Variants in MEIOB observed in about 807,000 individuals in gnomAD.
MEIOB encodes the protein meiosis-specific with OB domain-containing protein.
A neutral mutation model predicts 53.1 loss-of-function variants in MEIOB; 50 were observed. That is an observed-to-expected ratio of 0.94 (90% confidence interval 0.75 to 1.19). The LOEUF is 1.19. Ranked by LOEUF, MEIOB falls within the 50% of genes most tolerant of loss-of-function variation. The probability of loss-of-function intolerance (pLI) is 0.00; values close to 1 mark genes in which losing one functional copy is unlikely to be tolerated. For missense variants in MEIOB, 551 were observed against 550.8 expected, an observed-to-expected ratio of 1.00 and a Z score of 0.00; for synonymous variants, 192 against 182.5, an observed-to-expected ratio of 1.05 and a Z score of -0.42.
intron 2 of MEIOB, among the ~76,000 whole-genome samples, chr16:1,866,419 T>G (rs1899593801): frequency 6.6e-6 from 1 of 152,160 alleles, no homozygotes; most frequent in Non-Finnish European, 1.5e-5. Flanking sequence ...ATTTTAAATG[T>G]GTTTTAAGAA....
intron 2 of MEIOB, among the ~76,000 whole-genome samples, chr16:1,866,978 A>G (rs997755302): frequency 6.6e-6 from 1 of 152,190 alleles, no homozygotes; most frequent in African/African-American, 2.4e-5. Context: ...TTGTTGGAAA[A>G]TCCAATTAAT....
At chr16:1,839,580 A>ACT (rs1297657828) in intron 11 of MEIOB, 142 bp from the exon 12 acceptor site, 1 of 698,978 alleles carries the variant, frequency 1.4e-6, no homozygotes. Context: ...GGTCTACAAG[A>ACT]CAGTCGTAAA....
chr16:1,838,184 G>T (rs976889271), intron 12 of MEIOB: 1 of 480,444 alleles, frequency 2.1e-6, no homozygotes, highest in South Asian at 4.5e-5. Flanking sequence ...ATGTTTTGTA[G>T]AGACAGGGTC....
chr16:1,847,754 A>T (rs1899062730), intron 9 of MEIOB, among the ~76,000 whole-genome samples: 1 of 152,160 alleles, frequency 6.6e-6, no homozygotes, highest in Non-Finnish European at 1.5e-5. Flanking sequence ...AAACGGCTGT[A>T]GACACTATCA....
At chr16:1,853,493 C>T (rs1475881564) in intron 7 of MEIOB, among the ~76,000 whole-genome samples, 1 of 152,214 alleles carries the variant, frequency 6.6e-6, no homozygotes, top group Admixed American at 6.5e-5. Flanking sequence ...TCTAGTAATA[C>T]TCTGCTCTGC....
chr16:1,847,178 T>A (rs1243671201), intron 9 of MEIOB, among the ~76,000 whole-genome samples: 1 of 150,216 alleles, frequency 6.7e-6, no homozygotes, highest in Admixed American at 6.6e-5. Context: ...AAGCTATTTT[T>A]GGGCCGGGCG....
At chr16:1,851,636 C>A (rs2142087851) in intron 9 of MEIOB, among the ~76,000 whole-genome samples, 1 of 152,006 alleles carries the variant, frequency 6.6e-6, no homozygotes, top group East Asian at 2.0e-4. Flanking sequence ...GAGACAACAT[C>A]CATGTGTTGG....
intron 6 of MEIOB, among the ~76,000 whole-genome samples, chr16:1,856,502 G>C (rs551570532): frequency 1.5e-3 from 229 of 152,166 alleles, no homozygotes; most frequent in African/African-American, 5.2e-3. Context: ...TGTATTTTTA[G>C]TAGAGACGGG....
chr16:1,839,649 A>C (rs1014265425), intron 11 of MEIOB: 2 of 490,464 alleles, frequency 4.1e-6, no homozygotes, highest in African/African-American at 2.0e-5. Flanking sequence ...AACTGCGTAC[A>C]CCAGTCCTCT....
chr16:1,853,427 TC>T (rs1899221053), intron 7 of MEIOB, among the ~76,000 whole-genome samples, 156 bp from the exon 8 acceptor site: 1 of 152,224 alleles, frequency 6.6e-6, no homozygotes, highest in Non-Finnish European at 1.5e-5. Context: ...GCCAGCTTCC[TC>T]CTAGGGAGAA....
At chr16:1,852,132 G>T (rs1489444954) in intron 9 of MEIOB, among the ~76,000 whole-genome samples, 1 of 151,786 alleles carries the variant, frequency 6.6e-6, no homozygotes, top group East Asian at 1.9e-4. Flanking sequence ...AGCAGTAAAA[G>T]TTATTTGAAT....
chr16:1,868,220 TGA>T, intron 1 of MEIOB, 36 bp from the exon 2 acceptor site: 1 of 1,077,394 alleles, frequency 9.3e-7, no homozygotes, highest in Non-Finnish European at 1.4e-6. Flanking sequence ...ATATATAAAT[TGA>T]ATAAATGAAA....
intron 9 of MEIOB, among the ~76,000 whole-genome samples, chr16:1,847,578 CA>C (rs998548048): frequency 6.0e-5 from 7 of 117,310 alleles, no homozygotes; most frequent in East Asian, 2.7e-4. Context: ...TGAGACCCCC[CA>C]AAAAAAAGAA....
intron 6 of MEIOB, among the ~76,000 whole-genome samples, chr16:1,855,515 G>A (rs1190099296): frequency 6.6e-6 from 1 of 152,166 alleles, no homozygotes; most frequent in Non-Finnish European, 1.5e-5. Context: ...GGCATGAGAA[G>A]AAGTGACGTG....
In MEIOB at chr16:1,834,253, G is replaced by GT. The variant is rs1567270425; in HGVS notation, c.*2dup. 6.5e-7 allele frequency: 1 copy of GT among 1,542,182 alleles called. No homozygotes were observed. Among genetic ancestry groups the GT allele is most frequent in the Admixed American group, 1.7e-5 (1 of 59,128 alleles). On this transcript the variant is annotated 3_prime_UTR_variant, in exon 14 of 14. Coordinates refer to ENST00000325962, the MANE Select transcript of MEIOB (RefSeq NM_001163560.3). The stretch of plus-strand genomic sequence containing the variant: ...TTTCCAGAGTTCAAAATGATAGACC[G>GT]TTTTAAACATGTTTTTGTCCAGACA...
intron 9 of MEIOB, among the ~76,000 whole-genome samples, chr16:1,851,155 C>T (rs990455338): frequency 6.6e-5 from 10 of 152,126 alleles, no homozygotes; most frequent in African/African-American, 2.2e-4. Flanking sequence ...GAGCAGAAGC[C>T]AGTGCACTCT....
At chr16:1,847,459 C>T (rs931342388) in intron 9 of MEIOB, among the ~76,000 whole-genome samples, 2 of 151,502 alleles carry the variant, frequency 1.3e-5, no homozygotes, top group African/African-American at 2.4e-5. Flanking sequence ...AAGACTCCAT[C>T]TCAAAAAACA....
At chr16:1,871,377 G>A (rs9934963) in intron 1 of MEIOB, among the ~76,000 whole-genome samples, 54,681 of 71,632 alleles carry the variant, frequency 0.76, 22,188 homozygotes, top group Middle Eastern at 0.85. Flanking sequence ...TCGCCGCCAC[G>A]CCTGGCTAAT....
At chr16:1,842,453 TAAAA>T (rs74460539) in intron 10 of MEIOB, among the ~76,000 whole-genome samples, 1 of 124,764 alleles carries the variant, frequency 8.0e-6, no homozygotes, top group Non-Finnish European at 1.7e-5. Flanking sequence ...TGTCTCTACT[TAAAA>T]AAAAAAAAAA....
Sources: allele counts gnomAD v4.1 joint callset (sites outside exome capture counted in the v4.1 genomes callset), GRCh38; gene constraint gnomAD v4.1.1; transcripts MANE v1.5; gene names NCBI Gene and HGNC (gene_info 2026-07-23, HGNC 2026-07-21).